The following NUP153 variants were observed in gnomAD, a reference collection of about 807,000 sequenced individuals.
The protein encoded by NUP153 is nuclear pore complex protein Nup153.
A neutral mutation model predicts 134.6 loss-of-function variants in NUP153; 27 were observed. The observed-to-expected ratio is 0.20, with a 90% CI of 0.15 to 0.28. NUP153 has a LOEUF of 0.28. Among genes scored for constraint, NUP153 ranks in the 10% least tolerant of loss-of-function variants. The pLI is 1.00. For synonymous variants in NUP153, 640 were observed against 623.5 expected, an observed-to-expected ratio of 1.03 and a Z score of -0.40; for missense variants, 1,821 against 1,731.3, an observed-to-expected ratio of 1.05 and a Z score of -0.92.
chr6:17,657,658 C>T (rs1171847623), intron 11 of NUP153, among the ~76,000 whole-genome samples: 1 of 152,116 alleles, frequency 6.6e-6, no homozygotes, highest in Non-Finnish European at 1.5e-5. Context: ...CATCATCTGG[C>T]AAATAAAGCT....
At chr6:17,674,146 C>T (rs966494467) in intron 5 of NUP153, among the ~76,000 whole-genome samples, 3 of 151,994 alleles carry the variant, frequency 2.0e-5, no homozygotes, top group Non-Finnish European at 4.4e-5. Flanking sequence ...AAAACAGATC[C>T]GTGGTTGCCA....
chr6:17,706,750 C>T lies in NUP153; in HGVS notation c.-363G>A. On this transcript the variant is annotated 5_prime_UTR_variant, in exon 1 of 22. Coordinates refer to ENST00000262077, the MANE Select transcript of NUP153 (RefSeq NM_005124.4). The surrounding 1 kb of genome is among the most constrained non-coding windows in gnomAD (Gnocchi z 5.9). ...ACTCGACCGCCGACTGGTGGGAGTT[C>T]TTCCGTCGCCCTAGCCGTAGCTGCC... is the stretch of plus-strand genomic sequence containing the variant. The T allele has an allele frequency of 4.2e-6, 1 of 236,524 alleles. No individual in the cohort carries two copies. Among genetic ancestry groups the T allele is most frequent in the Admixed American group, 5.5e-5 (1 of 18,068 alleles). The allele number at this position is 236,524 out of a possible 1,614,324, so 14.7% of individuals were successfully genotyped here. A position where few individuals can be genotyped will look rare whatever the true frequency, so the allele number is the denominator to read the frequency against.
intron 18 of NUP153, among the ~76,000 whole-genome samples, chr6:17,626,856 T>C (rs1581665826): frequency 6.6e-6 from 1 of 152,328 alleles, no homozygotes; most frequent in Non-Finnish European, 1.5e-5. Context: ...ACTAAAATTA[T>C]GGGAGGAGGA....
intron 20 of NUP153, among the ~76,000 whole-genome samples, chr6:17,623,371 A>C (rs1421405868): frequency 1.3e-5 from 2 of 152,004 alleles, no homozygotes; most frequent in African/African-American, 4.8e-5. Flanking sequence ...AAAAAAAAAA[A>C]AAAAACCTTT....
intron 11 of NUP153, among the ~76,000 whole-genome samples, 165 bp from the exon 12 acceptor site, chr6:17,649,465 G>C (rs1222575508): frequency 6.6e-6 from 1 of 152,120 alleles, no homozygotes; most frequent in Non-Finnish European, 1.5e-5. Context: ...TCCCAGCTGT[G>C]CCACCAACCA....
At chr6:17,629,741 TC>T in intron 17 of NUP153, among the ~76,000 whole-genome samples, 1 of 152,164 alleles carries the variant, frequency 6.6e-6, no homozygotes, top group Non-Finnish European at 1.5e-5. Context: ...CTCACAACTA[TC>T]CTGACAAGCC....
chr6:17,686,488 C>A (rs979577847), intron 2 of NUP153, among the ~76,000 whole-genome samples: 2 of 151,336 alleles, frequency 1.3e-5, no homozygotes, highest in East Asian at 2.0e-4. Flanking sequence ...CTCCGCCTCC[C>A]GGGTTCATGC....
chr6:17,651,921 T>A (rs753899571), intron 11 of NUP153: 6 of 633,692 alleles, frequency 9.5e-6, no homozygotes, highest in Admixed American at 6.2e-5. Context: ...CGGTGAGACC[T>A]TGTCTCTACA....
In NUP153 at chr6:17,615,309, G is replaced by A. The variant is rs1764257756; in HGVS notation, c.*788C>T. 1 of 152,210 alleles carries A rather than the reference G, an allele frequency of 6.6e-6. No homozygotes were observed. The highest frequency in any genetic ancestry group is 2.1e-4 in the South Asian group (1 of 4,816). The allele number at this position is 152,210 out of a possible 1,614,324, so 9.4% of individuals were successfully genotyped here. A position where few individuals can be genotyped will look rare whatever the true frequency, so the allele number is the denominator to read the frequency against. ...ATGGATTTAGGCAACTTTGAATAAT[G>A]GGATTTACATAATAAAATCTGAGAC... On this transcript the variant is annotated 3_prime_UTR_variant, in exon 22 of 22. Coordinates refer to ENST00000262077, the MANE Select transcript of NUP153 (RefSeq NM_005124.4). The surrounding 1 kb of genome is among the most constrained non-coding windows in gnomAD (Gnocchi z 5.7).
intron 11 of NUP153, chr6:17,651,866 G>A (rs1561876210): frequency 3.0e-6 from 2 of 674,968 alleles, no homozygotes; most frequent in Non-Finnish European, 2.7e-6. Flanking sequence ...GGCCAAGATG[G>A]GATGATCGCT....
intron 2 of NUP153, among the ~76,000 whole-genome samples, chr6:17,679,419 T>C (rs928041630): frequency 9.2e-5 from 14 of 152,144 alleles, no homozygotes; most frequent in African/African-American, 3.4e-4. Context: ...CAAGACTAAA[T>C]ATTGTTGGGA....
chr6:17,620,668 G>A (rs1764602552), intron 20 of NUP153, among the ~76,000 whole-genome samples: 1 of 152,096 alleles, frequency 6.6e-6, no homozygotes, highest in Non-Finnish European at 1.5e-5. Context: ...CTTAAAACGT[G>A]GAGATTTTTT....
intron 20 of NUP153, among the ~76,000 whole-genome samples, 151 bp downstream of exon 20, chr6:17,624,408 TTA>T (rs1764811320): frequency 6.6e-6 from 1 of 152,218 alleles, no homozygotes; most frequent in Admixed American, 6.5e-5. Flanking sequence ...CGAATGTTGT[TTA>T]TATATAAATC....
At chr6:17,627,309 ATATTTC>A (rs1764993887) in intron 18 of NUP153, among the ~76,000 whole-genome samples, 1 of 152,208 alleles carries the variant, frequency 6.6e-6, no homozygotes, top group Non-Finnish European at 1.5e-5. Context: ...TTTTGTCTTT[ATATTTC>A]TAAGTAAATA....
In NUP153 at chr6:17,616,676, G is replaced by A; in HGVS notation, c.4194C>T (p.Gly1398=). The change falls in exon 21 of 22, where the codon GGC becomes GGT. Residue 1398 remains glycine (G), a synonymous_variant. Transcript: ENST00000262077. ...TPNSSSAFQF[G]SSTTNFNFTN... ...TGAAGTTGAAATTTGTAGTGCTGCTGCCAAACTGGAAAGCCGAACCTGCAA... is the reference window on the plus strand; with the variant it reads ...TGAAGTTGAAATTTGTAGTGCTGCTACCAAACTGGAAAGCCGAACCTGCAA... 1.2e-6 allele frequency: 2 copies of A among 1,612,694 alleles called. No homozygotes were observed. Among genetic ancestry groups the A allele is most frequent in the East Asian group, 2.2e-5 (1 of 44,880 alleles).
At chr6:17,643,246 C>T (rs187680073) in intron 14 of NUP153, among the ~76,000 whole-genome samples, 2 of 152,258 alleles carry the variant, frequency 1.3e-5, no homozygotes, top group Admixed American at 6.5e-5. Flanking sequence ...GCCTAGGCGG[C>T]CAGATCACCT....
At chr6:17,677,751 A>C (rs917329778) in intron 2 of NUP153, among the ~76,000 whole-genome samples, 4 of 82,026 alleles carry the variant, frequency 4.9e-5, no homozygotes, top group African/African-American at 1.9e-4. Context: ...TTTTTTTTTG[A>C]GACAGTCTCA....
rs764588482 is a variant in NUP153 at position 17,616,521 on chromosome 6, T to G, written c.4343+6A>C. 6 of 1,598,572 alleles carry G rather than the reference T, an allele frequency of 3.8e-6. No individual in the cohort carries two copies. The Admixed American group carries it at 1.1e-4, about 28-fold the overall frequency. Reference sequence around the variant, plus strand: ...ACTTCTCCATTTCAATAAAAAATTCTCTTACCCCACTGTAAATGCTGCTGG... The same window carrying G: ...ACTTCTCCATTTCAATAAAAAATTCGCTTACCCCACTGTAAATGCTGCTGG... On this transcript the variant is annotated splice_donor_region_variant and intron_variant, in intron 21 of 21. Coordinates refer to ENST00000262077, the MANE Select transcript of NUP153 (RefSeq NM_005124.4).
intron 11 of NUP153, among the ~76,000 whole-genome samples, chr6:17,651,142 TAAAC>T (rs1303223658): frequency 6.6e-6 from 1 of 151,900 alleles, no homozygotes; most frequent in East Asian, 1.9e-4. Context: ...CTATAAAAAC[TAAAC>T]AAACAAAAAA....
Sources: gnomAD v4.1 joint callset for allele counts (sites outside exome capture counted in the v4.1 genomes callset) on GRCh38, gnomAD v4.1.1 for gene constraint, Gnocchi (gnomAD v3.1) non-coding constraint, MANE v1.5 for transcripts, NCBI Gene and HGNC (gene_info 2026-07-23, HGNC 2026-07-21) for gene names.